The following DENND1A variants were observed in gnomAD, a reference collection of about 807,000 sequenced individuals.
The protein encoded by DENND1A is DENN domain containing 1A, also known as DENN domain-containing protein 1A.
In DENND1A, 51 loss-of-function variants were observed where a neutral mutation model predicts 113.7. The ratio of observed to expected loss-of-function variants is 0.45; its 90% confidence interval spans 0.36 to 0.57. DENND1A has a LOEUF of 0.57. Ranked by LOEUF, DENND1A falls within the 20% of genes least tolerant of loss-of-function variation. The pLI is 0.00. For missense variants in DENND1A, 1,258 were observed against 1,395.9 expected (o/e 0.90, Z 1.57); for synonymous variants, 565 against 570.8 (o/e 0.99, Z 0.14).
At position 123,695,097 on chromosome 9, in the gene DENND1A, A is replaced by G. The variant is rs553300082; in HGVS notation, c.303-18308T>C. 3.3e-5 allele frequency among the ~76,000 whole-genome samples: 5 copies of G among 152,214 alleles called. No individual in the cohort carries two copies. The South Asian group carries it at 1.0e-3, about 32-fold the overall frequency. On this transcript the variant is annotated intron_variant, in intron 5 of 23. Coordinates refer to ENST00000394215, the MANE Select transcript of DENND1A (RefSeq NM_001352964.2). ...GGATTGTTTCCTGGCCTCAAACGTCAGACTCCAAGTTCTTCAGTTTTGGGA... is the reference window on the plus strand; with the variant it reads ...GGATTGTTTCCTGGCCTCAAACGTCGGACTCCAAGTTCTTCAGTTTTGGGA...
intron 3 of DENND1A, among the ~76,000 whole-genome samples, chr9:123,787,596 T>C (rs1832379118): frequency 6.6e-6 from 1 of 152,202 alleles, no homozygotes; most frequent in African/African-American, 2.4e-5. Context: ...CATGAACAGA[T>C]GAAAACTCCA....
intron 5 of DENND1A, among the ~76,000 whole-genome samples, chr9:123,695,484 TTA>T (rs138844001): frequency 6.6e-6 from 1 of 150,858 alleles, no homozygotes; most frequent in Non-Finnish European, 1.5e-5. Context: ...TCATTGAGTT[TTA>T]TATATATATA....
At chr9:123,419,109 G>A (rs1021875915) in intron 19 of DENND1A, among the ~76,000 whole-genome samples, 1 of 152,286 alleles carries the variant, frequency 6.6e-6, no homozygotes, top group African/African-American at 2.4e-5. Flanking sequence ...AGCGGTATAG[G>A]TGAGAAAATA....
At position 123,693,804 on chromosome 9, in the gene DENND1A, ATATTATTAT is replaced by A. The variant is rs72061275; in HGVS notation, c.303-17024_303-17016del. ...ATATCATCCACAAGTTTCATTAGCT[ATATTATTAT>A]TATTATTATTATTATTATTATTATT... On this transcript the variant is annotated intron_variant, in intron 5 of 23. Coordinates refer to ENST00000394215, the MANE Select transcript of DENND1A (RefSeq NM_001352964.2). 1.8e-3 allele frequency among the ~76,000 whole-genome samples: 252 copies of A among 140,194 alleles called. 2 individuals carry two copies. The highest frequency in any genetic ancestry group is 3.3e-3 in the South Asian group (14 of 4,274). 92.0% of individuals were successfully genotyped at this position (140,194 alleles called of 152,430 possible).
chr9:123,574,053 A>C (rs1184052969), intron 12 of DENND1A, among the ~76,000 whole-genome samples: 3 of 151,212 alleles, frequency 2.0e-5, no homozygotes, highest in Non-Finnish European at 4.4e-5. Flanking sequence ...TTTTTCAAAT[A>C]TTTAGCCAAC....
chr9:123,767,918 T>C (rs1829089545), intron 4 of DENND1A, among the ~76,000 whole-genome samples: 1 of 152,216 alleles, frequency 6.6e-6, no homozygotes, highest in Admixed American at 6.5e-5. Flanking sequence ...AACATTTCAG[T>C]TTTATTACTT....
chr9:123,388,306 A>T (rs1157821574), intron 21 of DENND1A, among the ~76,000 whole-genome samples: 1 of 152,224 alleles, frequency 6.6e-6, no homozygotes, highest in African/African-American at 2.4e-5. Flanking sequence ...ATTCGCTGTC[A>T]TCTGCTTATG....
chr9:123,743,257 T>A (rs1028340651), intron 5 of DENND1A, among the ~76,000 whole-genome samples: 1 of 151,812 alleles, frequency 6.6e-6, no homozygotes, highest in African/African-American at 2.4e-5. Flanking sequence ...ATAAATTAGC[T>A]GGATATGGTG....
At chr9:123,911,976 G>A (rs997513036) in intron 1 of DENND1A, among the ~76,000 whole-genome samples, 1 of 152,172 alleles carries the variant, frequency 6.6e-6, no homozygotes, top group African/African-American at 2.4e-5. Context: ...TTACAGGCTT[G>A]AGCCACCGTG....
chr9:123,389,306 G>A (rs1234715499), intron 21 of DENND1A, among the ~76,000 whole-genome samples: 1 of 152,246 alleles, frequency 6.6e-6, no homozygotes, highest in African/African-American at 2.4e-5. Flanking sequence ...AGGCTCAGGA[G>A]GGGAAGCCAG....
intron 11 of DENND1A, among the ~76,000 whole-genome samples, chr9:123,606,223 G>C (rs1420361146): frequency 6.6e-6 from 1 of 152,216 alleles, no homozygotes; most frequent in Non-Finnish European, 1.5e-5. Flanking sequence ...AGATTCAGTA[G>C]TTCACGGCTG....
chr9:123,525,705 A>C (rs902520247), intron 13 of DENND1A, among the ~76,000 whole-genome samples: 27 of 151,738 alleles, frequency 1.8e-4, no homozygotes, highest in Non-Finnish European at 4.4e-5. Context: ...ATCCCCCAGC[A>C]TTAGGGCCAA....
At chr9:123,542,614 G>C (rs1015896687) in intron 13 of DENND1A, among the ~76,000 whole-genome samples, 2 of 152,138 alleles carry the variant, frequency 1.3e-5, no homozygotes, top group African/African-American at 4.8e-5. Context: ...TTTCCGCTTG[G>C]TTTGGCCCAT....
intron 1 of DENND1A, among the ~76,000 whole-genome samples, chr9:123,926,684 T>A (rs200240270): frequency 1.3e-5 from 2 of 151,854 alleles, no homozygotes; most frequent in African/African-American, 4.8e-5. Flanking sequence ...GTTTTTTTTT[T>A]AACTCGATAA....
At chr9:123,561,369 G>A (rs1430543477) in intron 12 of DENND1A, among the ~76,000 whole-genome samples, 2 of 152,152 alleles carry the variant, frequency 1.3e-5, no homozygotes, top group Admixed American at 6.5e-5. Flanking sequence ...AGTGGTCCTG[G>A]GCTCCTGATG....
At chr9:123,487,771 C>T (rs2133902961) in intron 13 of DENND1A, among the ~76,000 whole-genome samples, 1 of 152,286 alleles carries the variant, frequency 6.6e-6, no homozygotes, top group African/African-American at 2.4e-5. Context: ...AAGACTTGTT[C>T]CCATTAAATG....
intron 1 of DENND1A, among the ~76,000 whole-genome samples, chr9:123,895,312 G>A (rs930709817): frequency 1.6e-4 from 24 of 152,044 alleles, no homozygotes; most frequent in African/African-American, 5.8e-4. Flanking sequence ...ATACATTGAT[G>A]AGCTTGCAAG....
intron 12 of DENND1A, among the ~76,000 whole-genome samples, chr9:123,565,413 C>G (rs1179723808): frequency 6.6e-6 from 1 of 152,222 alleles, no homozygotes; most frequent in Non-Finnish European, 1.5e-5. Context: ...TTAGTCTGTG[C>G]AGGTACTGCT....
At chr9:123,414,403 G>T (rs779200266) in intron 19 of DENND1A, 76 of 1,433,706 alleles carry the variant, frequency 5.3e-5, no homozygotes, top group Non-Finnish European at 6.4e-5. Flanking sequence ...TTAAAAAAAT[G>T]TCCACCCAGT....
Sources: gnomAD v4.1 joint callset for allele counts (sites outside exome capture counted in the v4.1 genomes callset) on GRCh38, gnomAD v4.1.1 for gene constraint, MANE v1.5 for transcripts, NCBI Gene and HGNC (gene_info 2026-07-23, HGNC 2026-07-21) for gene names.